Variants in HS6ST3 observed in about 807,000 individuals in gnomAD.
HS6ST3 encodes heparan sulfate 6-O-sulfotransferase 3, also known as heparan-sulfate 6-O-sulfotransferase 3.
Under a neutral mutation model 36.7 loss-of-function variants are expected in HS6ST3, and 12 were observed. That is an observed-to-expected ratio of 0.33 (90% CI 0.21 to 0.53). The LOEUF (loss-of-function observed/expected upper bound fraction) is 0.53, where lower values mean the gene tolerates loss of function less well. HS6ST3 is among the 20% of genes least tolerant of loss of function. The pLI, the probability that HS6ST3 is intolerant of heterozygous loss-of-function variation, is 0.95. For synonymous variants in HS6ST3, 240 were observed against 257.5 expected, an observed-to-expected ratio of 0.93 and a Z score of 0.65; for missense variants, 584 against 640.9, an observed-to-expected ratio of 0.91 and a Z score of 0.96.
At chr13:96,295,563 G>T (rs2054851048) in intron 1 of HS6ST3, among the ~76,000 whole-genome samples, 1 of 152,078 alleles carries the variant, frequency 6.6e-6, no homozygotes, top group African/African-American at 2.4e-5. Flanking sequence ...GCGCGATCCA[G>T]GTGTTTCCCC....
chr13:96,294,761 C>T (rs983717957), intron 1 of HS6ST3, among the ~76,000 whole-genome samples: 2 of 151,974 alleles, frequency 1.3e-5, no homozygotes, highest in African/African-American at 4.8e-5. Context: ...GGTAACTTAA[C>T]TATTTAGATT....
chr13:96,399,868 A>G (rs1471312628), intron 1 of HS6ST3, among the ~76,000 whole-genome samples: 1 of 152,248 alleles, frequency 6.6e-6, no homozygotes, highest in African/African-American at 2.4e-5. Context: ...TGCCTACATT[A>G]TAAGTAAAAA....
chr13:96,359,644 C>A (rs1168787941), intron 1 of HS6ST3, among the ~76,000 whole-genome samples: 1 of 152,004 alleles, frequency 6.6e-6, no homozygotes, highest in Non-Finnish European at 1.5e-5. Flanking sequence ...GACACATAGG[C>A]TTTCAGGAAT....
intron 1 of HS6ST3, among the ~76,000 whole-genome samples, chr13:96,782,094 A>G (rs1408171004): frequency 6.6e-6 from 1 of 152,188 alleles, no homozygotes; most frequent in African/African-American, 2.4e-5. Context: ...ATTATTGTGA[A>G]CTTTCATGTT....
At chr13:96,593,801 C>T (rs1290947198) in intron 1 of HS6ST3, among the ~76,000 whole-genome samples, 1 of 151,762 alleles carries the variant, frequency 6.6e-6, no homozygotes, top group African/African-American at 2.4e-5. Flanking sequence ...TCTCTTTTTG[C>T]AGACTTAAAT....
chr13:96,766,965 A>G (rs1270908959), intron 1 of HS6ST3, among the ~76,000 whole-genome samples: 1 of 152,218 alleles, frequency 6.6e-6, no homozygotes, highest in Non-Finnish European at 1.5e-5. Context: ...TGCCTTAAGC[A>G]TGTTCAACTT....
intron 1 of HS6ST3, among the ~76,000 whole-genome samples, chr13:96,283,448 C>T (rs1280631317): frequency 1.3e-5 from 2 of 152,118 alleles, no homozygotes; most frequent in African/African-American, 4.8e-5. Context: ...GTAACATCAT[C>T]CTAACAGGAA....
At position 96,572,167 on chromosome 13, in the gene HS6ST3, T is replaced by G. The variant is rs561595080; in HGVS notation, c.708-260323T>G. 2.0e-5 allele frequency among the ~76,000 whole-genome samples: 3 copies of G among 152,340 alleles called. No homozygotes were observed. The East Asian group carries it at 5.8e-4, about 29-fold the overall frequency. ...GATCTTGGGCGTGTCCCTTAACCTC[T>G]ATTTGTCCTCACCGCACAGAGATAT... On this transcript the variant is annotated intron_variant, in intron 1 of 1. Transcript: ENST00000376705.
intron 1 of HS6ST3, among the ~76,000 whole-genome samples, chr13:96,182,271 C>A (rs1211483646): frequency 6.6e-6 from 1 of 152,184 alleles, no homozygotes; most frequent in Non-Finnish European, 1.5e-5. Context: ...TAATATTGAA[C>A]CCTGCAATTC....
At chr13:96,736,872 A>G (rs868801015) in intron 1 of HS6ST3, among the ~76,000 whole-genome samples, 1 of 152,346 alleles carries the variant, frequency 6.6e-6, no homozygotes, top group Middle Eastern at 3.4e-3. Flanking sequence ...ACAATAAGAA[A>G]ATCAAAACCC....
intron 1 of HS6ST3, among the ~76,000 whole-genome samples, chr13:96,666,798 GA>G (rs1045208241): frequency 3.3e-5 from 5 of 152,048 alleles, no homozygotes; most frequent in African/African-American, 1.2e-4. Flanking sequence ...ATAACTAAAT[GA>G]AAATAACTCA....
chr13:96,321,525 A>G (rs775223114), intron 1 of HS6ST3, among the ~76,000 whole-genome samples: 5 of 152,058 alleles, frequency 3.3e-5, no homozygotes, highest in African/African-American at 7.2e-5. Flanking sequence ...TAGATTCCCA[A>G]CTTATTTTCT....
intron 1 of HS6ST3, among the ~76,000 whole-genome samples, chr13:96,151,047 A>G (rs1162437835): frequency 6.6e-6 from 1 of 152,182 alleles, no homozygotes; most frequent in African/African-American, 2.4e-5. Context: ...TATGCCTACC[A>G]ACAGGAAATT....
At chr13:96,719,012 C>T (rs1289419133) in intron 1 of HS6ST3, among the ~76,000 whole-genome samples, 3 of 152,256 alleles carry the variant, frequency 2.0e-5, no homozygotes, top group Admixed American at 1.3e-4. Context: ...TGGTGGCTGA[C>T]GCCTGTAATC....
chr13:96,219,632 G>A (rs1047258983), intron 1 of HS6ST3, among the ~76,000 whole-genome samples: 1 of 152,056 alleles, frequency 6.6e-6, no homozygotes, highest in African/African-American at 2.4e-5. Context: ...TGATAAAAGT[G>A]TGGACGATGG....
At chr13:96,461,587 A>G (rs182034521) in intron 1 of HS6ST3, among the ~76,000 whole-genome samples, 1 of 152,340 alleles carries the variant, frequency 6.6e-6, no homozygotes, top group East Asian at 1.9e-4. Flanking sequence ...TTTAAACTGC[A>G]TTGCTGAACT....
chr13:96,494,376 A>T (rs556629742), intron 1 of HS6ST3, among the ~76,000 whole-genome samples: 1 of 119,056 alleles, frequency 8.4e-6, no homozygotes, highest in East Asian at 2.8e-4. Flanking sequence ...GGAACATCAC[A>T]CACCGGGGCC....
chr13:96,451,202 A>C (rs2055726549), intron 1 of HS6ST3, among the ~76,000 whole-genome samples: 1 of 152,098 alleles, frequency 6.6e-6, no homozygotes, highest in Non-Finnish European at 1.5e-5. Context: ...GGATGGGTAG[A>C]TGGTAGTCAC....
chr13:96,439,301 G>A (rs943574871), intron 1 of HS6ST3, among the ~76,000 whole-genome samples: 2 of 152,138 alleles, frequency 1.3e-5, no homozygotes, highest in African/African-American at 4.8e-5. Flanking sequence ...GATGATATGT[G>A]TATTTCTAAA....
Sources: gnomAD v4.1 joint callset for allele counts (sites outside exome capture counted in the v4.1 genomes callset) on GRCh38, gnomAD v4.1.1 for gene constraint, MANE v1.5 for transcripts, NCBI Gene and HGNC (gene_info 2026-07-23, HGNC 2026-07-21) for gene names.